Variants in NCOA2 observed in about 807,000 individuals in gnomAD.
NCOA2 encodes the protein nuclear receptor coactivator 2.
Under a neutral mutation model 145.1 loss-of-function variants are expected in NCOA2, and 21 were observed. That is an observed-to-expected ratio of 0.14 (90% CI 0.10 to 0.21). The LOEUF is 0.21. Among genes scored for constraint, NCOA2 ranks in the 10% least tolerant of loss-of-function variants. The pLI, the probability that NCOA2 is intolerant of heterozygous loss-of-function variation, is 1.00. For synonymous variants in NCOA2, 619 were observed against 637.5 expected (o/e 0.97, Z 0.44); for missense variants, 1,472 against 1,837.6 (o/e 0.80, Z 3.64).
chr8:70,394,513 T>C (rs1813486077), intron 1 of NCOA2, among the ~76,000 whole-genome samples: 1 of 152,218 alleles, frequency 6.6e-6, no homozygotes, highest in African/African-American at 2.4e-5. Flanking sequence ...GAAAAAGCTT[T>C]AAGGAATCAA....
chr8:70,434,256 A>G, the NCOA2 span, among the ~76,000 whole-genome samples: 3 of 152,226 alleles, frequency 2.0e-5, no homozygotes, highest in African/African-American at 7.2e-5. Context: ...TACCATAAAA[A>G]CAAGCATACT....
At chr8:70,295,708 G>A (rs1047563711) in intron 2 of NCOA2, among the ~76,000 whole-genome samples, 3 of 152,072 alleles carry the variant, frequency 2.0e-5, no homozygotes, top group Admixed American at 6.6e-5. Context: ...TTGGGAGGCC[G>A]AGGCAGGCAG....
At chr8:70,310,261 T>C (rs1226403771) in intron 1 of NCOA2, among the ~76,000 whole-genome samples, 4 of 150,204 alleles carry the variant, frequency 2.7e-5, no homozygotes, top group African/African-American at 9.8e-5. Flanking sequence ...CAAGAATTGC[T>C]TGAATCTAGG....
At chr8:70,307,220 C>CAAAAAAAAAAAAAACA (rs1827962858) in intron 1 of NCOA2, among the ~76,000 whole-genome samples, 1 of 71,642 alleles carries the variant, frequency 1.4e-5, no homozygotes, top group East Asian at 3.6e-4. Context: ...CCTACATAAG[C>CAAAAAAAAAAAAAACA]AAAAAAAAAA....
At chr8:70,403,368 G>A (rs1814560323) in intron 1 of NCOA2, among the ~76,000 whole-genome samples, 1 of 151,110 alleles carries the variant, frequency 6.6e-6, no homozygotes, top group Non-Finnish European at 1.5e-5. Flanking sequence ...GCCTCCGCCC[G>A]CCTCGCGCTC....
In NCOA2 at chr8:70,113,893, T is replaced by C. The variant is rs116135149; in HGVS notation, c.4384-250A>G. ...ACATGCTATTTCTCGCAGGCCATCG[T>C]CTGCAAATGGATGATGAATCTCTCC... On this transcript the variant is annotated intron_variant, in intron 22 of 22. Coordinates refer to ENST00000452400, the MANE Select transcript of NCOA2 (RefSeq NM_006540.4). Among the ~76,000 whole-genome samples, 320 of 152,232 alleles carry C rather than the reference T, an allele frequency of 2.1e-3. 1 individual carries two copies. The highest frequency in any genetic ancestry group is 6.7e-3 in the African/African-American group (279 of 41,530).
At chr8:70,290,683 C>T (rs1186983097) in intron 2 of NCOA2, among the ~76,000 whole-genome samples, 2 of 151,924 alleles carry the variant, frequency 1.3e-5, no homozygotes, top group East Asian at 1.9e-4. Context: ...TATCCTAATG[C>T]TAAAGAATCA....
chr8:70,430,948 G>A, the NCOA2 span, among the ~76,000 whole-genome samples: 9 of 151,992 alleles, frequency 5.9e-5, no homozygotes, highest in Non-Finnish European at 1.2e-4. Context: ...ATGGATTTAC[G>A]AAATCTGGCC....
At chr8:70,343,359 T>C (rs1462634517) in intron 1 of NCOA2, among the ~76,000 whole-genome samples, 3 of 151,788 alleles carry the variant, frequency 2.0e-5, no homozygotes, top group Admixed American at 6.6e-5. Flanking sequence ...ACCAGTACCA[T>C]TTCAAAGTTG....
At chr8:70,385,198 T>C (rs958184514) in intron 1 of NCOA2, among the ~76,000 whole-genome samples, 1 of 152,236 alleles carries the variant, frequency 6.6e-6, no homozygotes, top group Non-Finnish European at 1.5e-5. Flanking sequence ...TAATCTACTC[T>C]GAATTATAAT....
At chr8:70,300,420 C>T (rs888866589) in intron 1 of NCOA2, among the ~76,000 whole-genome samples, 2 of 152,128 alleles carry the variant, frequency 1.3e-5, no homozygotes, top group South Asian at 2.1e-4. Flanking sequence ...ACAGTTTCCG[C>T]GTGAGTAGGG....
intron 1 of NCOA2, among the ~76,000 whole-genome samples, chr8:70,397,444 C>G (rs533311873): frequency 2.7e-5 from 4 of 146,772 alleles, no homozygotes; most frequent in African/African-American, 1.0e-4. Flanking sequence ...CAGAGTGAGA[C>G]CCTGTCTCAA....
intron 1 of NCOA2, among the ~76,000 whole-genome samples, chr8:70,398,346 C>T (rs917222315): frequency 1.3e-5 from 2 of 152,096 alleles, no homozygotes; most frequent in Non-Finnish European, 1.5e-5. Context: ...GTAGTCCCAA[C>T]TACTTGGGAG....
At chr8:70,379,118 T>C (rs1376373816) in intron 1 of NCOA2, among the ~76,000 whole-genome samples, 1 of 152,234 alleles carries the variant, frequency 6.6e-6, no homozygotes, top group Non-Finnish European at 1.5e-5. Context: ...AGTAGCATTT[T>C]ACAAAATAAA....
chr8:70,131,849 T>C lies in NCOA2; in HGVS notation c.3312A>G (p.Glu1104=). Residue 1104 remains glutamate, a synonymous_variant, in exon 16 of 23, where the codon GAA becomes GAG. Coordinates refer to ENST00000452400, the MANE Select transcript of NCOA2 (RefSeq NM_006540.4). ...EEIDRALGIP[E]LVSQSQAVDP... is the part of the protein sequence containing the mutation. ...CTTCCGCGCATACCTGGCTGACCAG[T>C]TCGGGTATTCCTAAGGCTCTATCAA... The C allele has an allele frequency of 1.3e-6, 2 of 1,592,098 alleles. No individual in the cohort carries two copies. Among genetic ancestry groups the C allele is most frequent in the Non-Finnish European group, 1.7e-6 (2 of 1,169,682 alleles).
At position 70,144,768 on chromosome 8, in the gene NCOA2, G is replaced by T. The variant is rs756579979; in HGVS notation, c.2686C>A (p.Pro896Thr). Reference protein sequence around the residue: ...NLPLDITLQSPTGAGPFPPIR... With the variant: ...NLPLDITLQSTTGAGPFPPIR... Reference sequence around the variant, plus strand: ...GGTGGGAAAGGTCCAGCACCAGTTGGGCTTTGCAATGTGATGTCAAGTGGT... The same window carrying T: ...GGTGGGAAAGGTCCAGCACCAGTTGTGCTTTGCAATGTGATGTCAAGTGGT... The change falls in exon 13 of 23, where the codon CCA (proline) becomes ACA (threonine). Residue 896 changes from proline (P) to threonine (T), a missense_variant. This residue lies in a region of NCOA2 where 953 missense variants were observed against 1,062.1 expected (regional missense o/e 0.90). Coordinates refer to ENST00000452400, the MANE Select transcript of NCOA2 (RefSeq NM_006540.4). 1 of 1,613,968 alleles carries T rather than the reference G, an allele frequency of 6.2e-7. No individual in the cohort carries two copies. Among genetic ancestry groups the T allele is most frequent in the South Asian group, 1.1e-5 (1 of 91,086 alleles).
chr8:70,344,498 T>G (rs1321926046), intron 1 of NCOA2, among the ~76,000 whole-genome samples: 1 of 152,326 alleles, frequency 6.6e-6, no homozygotes, highest in South Asian at 2.1e-4. Flanking sequence ...ACACAGCCTC[T>G]CTTATGTCTC....
Position 70,111,689 on chromosome 8 carries a change from A to G in NCOA2, c.*1943T>C, listed in dbSNP as rs745667834. 7 of 215,246 alleles carry G rather than the reference A, an allele frequency of 3.3e-5. No individual in the cohort carries two copies. Among genetic ancestry groups the G allele is most frequent in the Non-Finnish European group, 4.7e-5 (5 of 106,824 alleles). The allele number at this position is 215,246 out of a possible 1,614,324, so 13.3% of individuals were successfully genotyped here. ...TTTTCAGACTGTCTACTTACCATCT[A>G]TCTTTGGGCTATATCTCTTCCTATA... On this transcript the variant is annotated 3_prime_UTR_variant, in exon 23 of 23. Transcript: ENST00000452400.
At chr8:70,271,994 C>T (rs551418280) in intron 2 of NCOA2, among the ~76,000 whole-genome samples, 21 of 152,278 alleles carry the variant, frequency 1.4e-4, no homozygotes, top group Admixed American at 2.6e-4. Context: ...TGTAGGAATT[C>T]TTCACACATG....
Sources: allele counts gnomAD v4.1 joint callset (sites outside exome capture counted in the v4.1 genomes callset), GRCh38; gene constraint gnomAD v4.1.1; regional missense constraint gnomAD v4.1.1; transcripts MANE v1.5; gene names NCBI Gene and HGNC (gene_info 2026-07-23, HGNC 2026-07-21).